FHIT: variants seen among roughly 807,000 people sequenced by gnomAD.
FHIT encodes bis(5'-adenosyl)-triphosphatase.
Under a neutral mutation model 17.9 loss-of-function variants are expected in FHIT, and 19 were observed. The ratio of observed to expected loss-of-function variants is 1.06; its 90% CI spans 0.74 to 1.56. The LOEUF is 1.56. Among genes scored for constraint, FHIT ranks in the 40% most tolerant of loss-of-function variants. The pLI is 0.00. For synonymous variants in FHIT, 81 were observed against 69.7 expected, an observed-to-expected ratio of 1.16 and a Z score of -0.81; for missense variants, 248 against 189.2, an observed-to-expected ratio of 1.31 and a Z score of -1.82.
At chr3:60,267,639 G>A (rs1380934132) in intron 5 of FHIT, among the ~76,000 whole-genome samples, 5 of 151,932 alleles carry the variant, frequency 3.3e-5, no homozygotes, top group East Asian at 1.9e-4. Flanking sequence ...ACATATGACC[G>A]TTCTTCCACA....
intron 4 of FHIT, among the ~76,000 whole-genome samples, chr3:60,556,530 A>G (rs1372902533): frequency 6.6e-6 from 1 of 152,230 alleles, no homozygotes; most frequent in African/African-American, 2.4e-5. Flanking sequence ...GCATTTGCTC[A>G]TTTAAACCCC....
intron 5 of FHIT, among the ~76,000 whole-genome samples, chr3:60,277,616 C>T (rs1029181924): frequency 3.3e-5 from 5 of 152,164 alleles, no homozygotes; most frequent in Admixed American, 3.3e-4. Context: ...AAACATCACA[C>T]CTCGTCCAAC....
intron 3 of FHIT, among the ~76,000 whole-genome samples, chr3:60,896,816 C>T (rs1350231042): frequency 1.3e-5 from 2 of 152,028 alleles, no homozygotes; most frequent in Admixed American, 6.6e-5. Flanking sequence ...AATGTTATTT[C>T]GGAATATACA....
rs1708438676 is a variant in FHIT, at chr3:60,942,139, T to C, written c.-111+99908A>G. 7.9e-5 allele frequency among the ~76,000 whole-genome samples: 12 copies of C among 152,298 alleles called. No homozygotes were observed. The South Asian group carries it at 2.5e-3, about 32-fold the overall frequency. The stretch of plus-strand genomic sequence containing the variant: ...GCTGGATTATAGGTGCCCACAGCCA[T>C]GCCTGGCTAATTTTTGTATTTTTTA... On this transcript the variant is annotated intron_variant, in intron 3 of 9. Coordinates refer to ENST00000492590, the MANE Select transcript of FHIT (RefSeq NM_002012.4).
intron 4 of FHIT, among the ~76,000 whole-genome samples, chr3:60,559,761 T>TGAGAAAA (rs1559539593): frequency 1.6e-5 from 1 of 61,204 alleles, no homozygotes; most frequent in Non-Finnish European, 3.6e-5. Flanking sequence ...ATGTCCCTCT[T>TGAGAAAA]ACGGGCACTT....
intron 4 of FHIT, among the ~76,000 whole-genome samples, chr3:60,810,605 A>C (rs1229504015): frequency 6.6e-6 from 1 of 152,232 alleles, no homozygotes; most frequent in Non-Finnish European, 1.5e-5. Context: ...GTTGAGGAAC[A>C]TTCCAACTGT....
intron 5 of FHIT, among the ~76,000 whole-genome samples, chr3:60,236,191 G>T (rs1704775729): frequency 6.6e-6 from 1 of 151,226 alleles, no homozygotes; most frequent in Non-Finnish European, 1.5e-5. Flanking sequence ...TGTTCTAAGT[G>T]GTTTGACCTT....
chr3:60,976,417 CT>C (rs2107541906), intron 3 of FHIT, among the ~76,000 whole-genome samples: 1 of 152,066 alleles, frequency 6.6e-6, no homozygotes, highest in East Asian at 1.9e-4. Flanking sequence ...TCAGAACATA[CT>C]TTGAAACAAC....
intron 1 of FHIT, among the ~76,000 whole-genome samples, chr3:61,245,146 G>A (rs1387679196): frequency 6.6e-6 from 1 of 152,192 alleles, no homozygotes; most frequent in African/African-American, 2.4e-5. Context: ...AGAGCAGGAT[G>A]CATCAACTTG....
At chr3:60,948,644 C>T (rs191696753) in intron 3 of FHIT, among the ~76,000 whole-genome samples, 42 of 152,250 alleles carry the variant, frequency 2.8e-4, no homozygotes, top group African/African-American at 9.4e-4. Context: ...GAATGAAGAG[C>T]AGCAGAAACT....
chr3:60,645,911 A>G (rs999834478), intron 4 of FHIT, among the ~76,000 whole-genome samples: 2 of 152,150 alleles, frequency 1.3e-5, no homozygotes, highest in African/African-American at 4.8e-5. Context: ...TTCAATCCCT[A>G]TGTTCCCAGA....
chr3:60,468,945 T>A (rs1467438648), intron 5 of FHIT, among the ~76,000 whole-genome samples: 3 of 150,482 alleles, frequency 2.0e-5, no homozygotes, highest in African/African-American at 7.4e-5. Flanking sequence ...GATATACTAT[T>A]GTAGGTTAGA....
intron 5 of FHIT, among the ~76,000 whole-genome samples, chr3:60,095,433 A>T (rs1465399739): frequency 1.3e-5 from 2 of 152,220 alleles, no homozygotes; most frequent in African/African-American, 4.8e-5. Context: ...ATTTCAGAGA[A>T]AATTGGAGAG....
intron 8 of FHIT, among the ~76,000 whole-genome samples, chr3:59,828,718 G>C (rs964766000): frequency 1.3e-5 from 2 of 152,180 alleles, no homozygotes; most frequent in Non-Finnish European, 2.9e-5. Flanking sequence ...GGTTAAGGCA[G>C]ACTTAACGGG....
At chr3:59,929,155 A>T (rs1262552422) in intron 7 of FHIT, among the ~76,000 whole-genome samples, 1 of 152,028 alleles carries the variant, frequency 6.6e-6, no homozygotes, top group African/African-American at 2.4e-5. Flanking sequence ...TAATGTTACC[A>T]TATGACCCAT....
Position 60,014,057 on chromosome 3 carries a change from T to C in FHIT, c.199A>G (p.Thr67Ala), listed in dbSNP as rs763169582. The C allele has an allele frequency of 2.1e-5, 34 of 1,613,984 alleles. No individual in the cohort carries two copies. Among genetic ancestry groups the C allele is most frequent in the Non-Finnish European group, 2.8e-5 (33 of 1,179,936 alleles). ...DLFQTTQRVG[T>A]VVEKHFHGTS... is the part of the protein sequence containing the mutation. ...CCATGGAAATGTTTTTCCACCACTG[T>C]CCCGACTCTCTGGGTCGTCTGAAAC... Residue 67 changes from threonine (T) to alanine (A), a missense_variant, in exon 6 of 10, where the codon ACA becomes GCA. Coordinates refer to ENST00000492590, the MANE Select transcript of FHIT (RefSeq NM_002012.4).
chr3:60,408,525 G>T (rs1197551990), intron 5 of FHIT, among the ~76,000 whole-genome samples: 1 of 152,026 alleles, frequency 6.6e-6, no homozygotes, highest in East Asian at 1.9e-4. Flanking sequence ...CAATGATAGA[G>T]GATGAGGAAA....
intron 5 of FHIT, among the ~76,000 whole-genome samples, chr3:60,075,392 T>G (rs1407506842): frequency 6.6e-6 from 1 of 152,104 alleles, no homozygotes; most frequent in African/African-American, 2.4e-5. Flanking sequence ...AAATATACTG[T>G]GACCTTCAAC....
At chr3:59,825,091 C>T (rs987302805) in intron 8 of FHIT, among the ~76,000 whole-genome samples, 11 of 152,184 alleles carry the variant, frequency 7.2e-5, no homozygotes, top group Non-Finnish European at 1.3e-4. Flanking sequence ...TGCAGTCTCC[C>T]TCTGGGGCCT....
Sources: allele counts gnomAD v4.1 joint callset (sites outside exome capture counted in the v4.1 genomes callset), GRCh38; gene constraint gnomAD v4.1.1; transcripts MANE v1.5; gene names NCBI Gene and HGNC (gene_info 2026-07-23, HGNC 2026-07-21).